The following EVL variants were observed in gnomAD, a reference collection of about 807,000 sequenced individuals.
EVL encodes the protein Enah/Vasp-like.
Under a neutral mutation model 59.6 loss-of-function variants are expected in EVL, and 21 were observed. That is an observed-to-expected ratio of 0.35 (90% CI 0.25 to 0.51). The LOEUF is 0.51. Ranked by LOEUF, EVL falls within the 20% of genes least tolerant of loss-of-function variation. EVL has a pLI of 0.97. For synonymous variants in EVL, 198 were observed against 203.5 expected, an observed-to-expected ratio of 0.97 and a Z score of 0.23; for missense variants, 462 against 546.6, an observed-to-expected ratio of 0.85 and a Z score of 1.54.
intron 1 of EVL, among the ~76,000 whole-genome samples, chr14:99,996,409 G>A (rs1286024776): frequency 2.0e-5 from 3 of 151,892 alleles, no homozygotes; most frequent in African/African-American, 7.3e-5. Context: ...AACCTTCTCT[G>A]GGAACTAATT....
intron 1 of EVL, among the ~76,000 whole-genome samples, chr14:99,994,154 TTG>T (rs2140180341): frequency 6.7e-6 from 1 of 148,796 alleles, no homozygotes; most frequent in South Asian, 2.2e-4. Context: ...TTCAGCCTAT[TTG>T]TGTCTTAAGA....
intron 1 of EVL, among the ~76,000 whole-genome samples, chr14:100,035,439 G>A (rs779583074): frequency 2.0e-5 from 3 of 148,748 alleles, no homozygotes; most frequent in Non-Finnish European, 4.4e-5. Context: ...CCCTATTGAT[G>A]TAGTTACTCT....
chr14:100,055,659 G>A (rs2061717556), intron 1 of EVL, among the ~76,000 whole-genome samples: 1 of 152,112 alleles, frequency 6.6e-6, no homozygotes, highest in Non-Finnish European at 1.5e-5. Flanking sequence ...TAGAAGTCTG[G>A]TCTGATTTTT....
intron 9 of EVL, 129 bp downstream of exon 9, chr14:100,136,097 GC>G: frequency 9.3e-7 from 1 of 1,075,950 alleles, no homozygotes; most frequent in Non-Finnish European, 1.4e-6. Context: ...CCACAGGGAA[GC>G]CCATTTCTTA....
intron 1 of EVL, among the ~76,000 whole-genome samples, chr14:100,011,104 G>A (rs1464559722): frequency 6.6e-6 from 1 of 152,206 alleles, no homozygotes; most frequent in Non-Finnish European, 1.5e-5. Context: ...GGCCAGATAG[G>A]AGAGAATTTT....
chr14:99,990,963 T>C (rs1375809075), intron 1 of EVL, among the ~76,000 whole-genome samples: 7 of 152,178 alleles, frequency 4.6e-5, no homozygotes, highest in Non-Finnish European at 1.0e-4. Flanking sequence ...TAATTGACCC[T>C]TGAACAACAT....
intron 4 of EVL, among the ~76,000 whole-genome samples, chr14:100,125,951 A>G (rs914723095): frequency 6.6e-6 from 1 of 152,188 alleles, no homozygotes; most frequent in South Asian, 2.1e-4. Flanking sequence ...CTTCAGAACA[A>G]TCCTTAGCCC....
At chr14:100,029,113 C>T (rs1321656276) in intron 1 of EVL, among the ~76,000 whole-genome samples, 2 of 152,154 alleles carry the variant, frequency 1.3e-5, no homozygotes, top group South Asian at 2.1e-4. Flanking sequence ...ATTCAAATGC[C>T]GTGTTTTAAA....
intron 1 of EVL, among the ~76,000 whole-genome samples, chr14:100,053,771 C>CCT (rs1185789259): frequency 6.6e-6 from 1 of 152,168 alleles, no homozygotes; most frequent in Non-Finnish European, 1.5e-5. Flanking sequence ...ACCTCAGCCT[C>CCT]CTGAGTAGCT....
intron 1 of EVL, among the ~76,000 whole-genome samples, chr14:99,984,280 G>A (rs2060826419): frequency 6.6e-6 from 1 of 152,148 alleles, no homozygotes; most frequent in Non-Finnish European, 1.5e-5. Context: ...ATGTGTGGAT[G>A]GGTATTTTTT....
At chr14:100,134,527 C>T (rs770621393) in intron 8 of EVL, 1 of 152,204 alleles carries the variant, frequency 6.6e-6, no homozygotes. Context: ...CCAGGACTAG[C>T]GTCTAAAGAG....
At chr14:99,978,772 A>C (rs2060787012) in intron 1 of EVL, among the ~76,000 whole-genome samples, 1 of 152,220 alleles carries the variant, frequency 6.6e-6, no homozygotes, top group Non-Finnish European at 1.5e-5. Context: ...ATTTCTCTTG[A>C]TAGATACTGT....
At chr14:99,973,635 G>A (rs577570408) in intron 1 of EVL, among the ~76,000 whole-genome samples, 1 of 152,238 alleles carries the variant, frequency 6.6e-6, no homozygotes, top group South Asian at 2.1e-4. Flanking sequence ...GCTGATTTTT[G>A]TATTTTTAGT....
intron 3 of EVL, among the ~76,000 whole-genome samples, chr14:100,122,246 A>G (rs530856596): frequency 2.9e-4 from 44 of 152,296 alleles, no homozygotes; most frequent in Admixed American, 1.7e-3. Context: ...TCAATCTGAC[A>G]CCACTGTCTG....
chr14:100,077,684 T>A (rs2062193449), intron 1 of EVL, among the ~76,000 whole-genome samples: 1 of 152,206 alleles, frequency 6.6e-6, no homozygotes, highest in South Asian at 2.1e-4. Flanking sequence ...CGCCTGAGAC[T>A]TACCACATCA....
intron 9 of EVL, 57 bp from the exon 10 acceptor site, chr14:100,137,521 G>A (rs1015854268): frequency 3.2e-6 from 5 of 1,566,740 alleles, no homozygotes; most frequent in Non-Finnish European, 4.4e-6. Flanking sequence ...AGGGGATTGG[G>A]GTGGCTACTG....
intron 3 of EVL, among the ~76,000 whole-genome samples, chr14:100,118,601 A>G (rs560072512): frequency 6.6e-6 from 1 of 151,514 alleles, no homozygotes; most frequent in Non-Finnish European, 1.5e-5. Flanking sequence ...TGCAGTGCTC[A>G]CTCTCCCCAG....
intron 3 of EVL, among the ~76,000 whole-genome samples, chr14:100,116,477 C>T (rs940544822): frequency 6.6e-6 from 1 of 152,226 alleles, no homozygotes; most frequent in Non-Finnish European, 1.5e-5. Context: ...TCCCTTCCAT[C>T]CCAGAGGAGC....
chr14:100,012,250 G>A (rs1452645000), intron 1 of EVL, among the ~76,000 whole-genome samples: 1 of 152,174 alleles, frequency 6.6e-6, no homozygotes, highest in Non-Finnish European at 1.5e-5. Flanking sequence ...TATCATTTCA[G>A]CTTTTTTAGG....
Sources: gnomAD v4.1 joint callset for allele counts (sites outside exome capture counted in the v4.1 genomes callset) on GRCh38, gnomAD v4.1.1 for gene constraint, MANE v1.5 for transcripts, NCBI Gene and HGNC (gene_info 2026-07-23, HGNC 2026-07-21) for gene names.